The following ACIN1 variants were observed in gnomAD, a reference collection of about 807,000 sequenced individuals.
The protein encoded by ACIN1 is apoptotic chromatin condensation inducer in the nucleus.
Under a neutral mutation model 146.6 loss-of-function variants are expected in ACIN1, and 16 were observed. The observed-to-expected ratio is 0.11, with a 90% CI of 0.07 to 0.17. The LOEUF is 0.17. Ranked by LOEUF, ACIN1 falls within the 10% of genes least tolerant of loss-of-function variation. The probability of loss-of-function intolerance (pLI) is 1.00; values close to 1 mark genes in which losing one functional copy is unlikely to be tolerated. For missense variants in ACIN1, 1,357 were observed against 1,609.3 expected (o/e 0.84, Z 2.68); for synonymous variants, 569 against 582.7 (o/e 0.98, Z 0.34).
intron 1 of ACIN1, 120 bp from the exon 2 acceptor site, chr14:23,093,664 T>A (rs961547471): frequency 2.5e-6 from 2 of 810,576 alleles, no homozygotes; most frequent in Admixed American, 2.5e-5. Context: ...TTAAACTGTA[T>A]TCCTTTTCCA....
At chr14:23,080,891 CT>C (rs1594774198) in intron 5 of ACIN1, 82 bp from the exon 6 acceptor site, 29 of 1,511,368 alleles carry the variant, frequency 1.9e-5, no homozygotes, top group Admixed American at 2.3e-5. Flanking sequence ...GAAGACACCC[CT>C]AGGAAGGAGA....
chr14:23,072,751 A>C (rs1429355721), intron 8 of ACIN1, among the ~76,000 whole-genome samples: 2 of 152,236 alleles, frequency 1.3e-5, no homozygotes, highest in Non-Finnish European at 2.9e-5. Flanking sequence ...TTACAATGCC[A>C]ACTGCATGCT....
chr14:23,080,581 C>T lies in ACIN1; in HGVS notation c.754G>A (p.Glu252Lys), dbSNP rs769396148. ...ILKEFKEEGE[E>K]IPRVKPEEMM... ...TCCTCTGGTTTTACTCTAGGTATCT[C>T]TTCCCCTTCTTCCTTAAACTCTTTC... The change falls in exon 6 of 19, where the codon GAG (glutamate) becomes AAG (lysine). Residue 252 changes from glutamate (E) to lysine (K), a missense_variant. By Grantham distance (56) the Glu-to-Lys change is moderately conservative. Coordinates refer to ENST00000605057, the MANE Select transcript of ACIN1 (RefSeq NM_001386863.1). 5.6e-6 allele frequency: 9 copies of T among 1,614,000 alleles called. No homozygotes were observed. Among genetic ancestry groups the T allele is most frequent in the Non-Finnish European group, 7.6e-6 (9 of 1,180,018 alleles).
In ACIN1 at chr14:23,078,879, G is replaced by T. The variant is rs1446757918; in HGVS notation, c.1948C>A (p.Arg650Ser). 6.2e-7 allele frequency: 1 copy of T among 1,613,830 alleles called. No homozygotes were observed. The highest frequency in any genetic ancestry group is 8.5e-7 in the Non-Finnish European group (1 of 1,180,002). Residue 650 changes from arginine to serine, a missense_variant, in exon 7 of 19, where the codon CGT becomes AGT. By Grantham distance (110) the Arg-to-Ser change is moderately radical. Around this residue, in one of 4 missense-constraint regions of ACIN1, gnomAD observed 771 missense variants for 746.6 expected, o/e 1.03. Transcript: ENST00000605057. ...TCAGCTGATTCAGGCTGACTCAGAC[G>T]CCTTGCTTGGACAGAGGATGAGGAG... ...STSSSSVQAR[R>S]LSQPESAEKH...
intron 4 of ACIN1, among the ~76,000 whole-genome samples, chr14:23,083,716 G>A (rs933360261): frequency 2.6e-5 from 4 of 152,062 alleles, no homozygotes; most frequent in African/African-American, 4.8e-5. Flanking sequence ...GCGACAGAGC[G>A]AGACTCCGTC....
At position 23,065,959 on chromosome 14, in the gene ACIN1, G is replaced by T; in HGVS notation, c.2308+7C>A. 6.2e-7 allele frequency: 1 copy of T among 1,613,214 alleles called. No homozygotes were observed. Among genetic ancestry groups the T allele is most frequent in the Non-Finnish European group, 8.5e-7 (1 of 1,179,260 alleles). Reference sequence around the variant, plus strand: ...GACTTTTATCAGGGATTTGGGGCTGGACTTACAGACAACGGAGATCTTCCT... The same window carrying T: ...GACTTTTATCAGGGATTTGGGGCTGTACTTACAGACAACGGAGATCTTCCT... On this transcript the variant is annotated splice_region_variant and intron_variant, in intron 10 of 18. Coordinates refer to ENST00000605057, the MANE Select transcript of ACIN1 (RefSeq NM_001386863.1).
chr14:23,093,586 A>G (rs1263179791), intron 1 of ACIN1, 42 bp from the exon 2 acceptor site: 2 of 1,572,450 alleles, frequency 1.3e-6, no homozygotes, highest in Admixed American at 1.7e-5. Context: ...ATGAGGAAAA[A>G]AAAGAAAAAC....
intron 8 of ACIN1, chr14:23,071,397 G>GC: frequency 1.3e-6 from 2 of 1,551,210 alleles, no homozygotes; most frequent in South Asian, 1.2e-5. Flanking sequence ...AACAGATCTG[G>GC]CTTTTAAGAG....
At chr14:23,072,406 G>C (rs2047685864) in intron 8 of ACIN1, among the ~76,000 whole-genome samples, 1 of 152,184 alleles carries the variant, frequency 6.6e-6, no homozygotes, top group Admixed American at 6.5e-5. Context: ...CCAAGGTGAG[G>C]CTCTAAAGTA....
At position 23,078,173 on chromosome 14, in the gene ACIN1, A is replaced by G; in HGVS notation, c.2101T>C (p.Ser701Pro). ...TACACAGTGTGATGAATTCTTTCTG[A>G]TTCTGGCAGATGAGAGGTCTGAGTC... Reference protein sequence around the residue: ...SETQTSHLPESERIHHTVEEK... With the variant: ...SETQTSHLPEPERIHHTVEEK... The change falls in exon 8 of 19, where the codon TCA becomes CCA. Residue 701 changes from serine (S) to proline (P), a missense_variant. Physicochemically the swap from Ser to Pro is moderately conservative, Grantham distance 74. Coordinates refer to ENST00000605057, the MANE Select transcript of ACIN1 (RefSeq NM_001386863.1). The G allele has an allele frequency of 2.5e-6, 4 of 1,614,146 alleles. No homozygotes were observed. Among genetic ancestry groups the G allele is most frequent in the Non-Finnish European group, 3.4e-6 (4 of 1,180,006 alleles).
At position 23,064,377 on chromosome 14, in the gene ACIN1, C is replaced by A. The variant is rs1175677943; in HGVS notation, c.2420G>T (p.Ser807Ile). Reference sequence around the variant, plus strand: ...CACCTTTAGTGATTCAGTGGTGATACTGATGGAAGGTTTCTTCTGTGTGGT... The same window carrying A: ...CACCTTTAGTGATTCAGTGGTGATAATGATGGAAGGTTTCTTCTGTGTGGT... ...TATTQKKPSI[S>I]ITTESLKSLI... Residue 807 changes from serine (S) to isoleucine (I), a missense_variant, in exon 11 of 19, where the codon AGT becomes ATT. This residue lies in a region of ACIN1 where 509 missense variants were observed against 719.6 expected (regional missense o/e 0.71). Coordinates refer to ENST00000605057, the MANE Select transcript of ACIN1 (RefSeq NM_001386863.1). The A allele has an allele frequency of 6.2e-7, 1 of 1,614,256 alleles. No homozygotes were observed. Among genetic ancestry groups the A allele is most frequent in the Non-Finnish European group, 8.5e-7 (1 of 1,180,038 alleles).
Position 23,062,977 on chromosome 14 carries a change from G to A in ACIN1, c.2835C>T (p.Pro945=), listed in dbSNP as rs535321454. The change falls in exon 14 of 19, where the codon CCC becomes CCT. Residue 945 remains proline, a synonymous_variant. Transcript: ENST00000605057. ...TGCTAATCTTGCCCCGGGGTGGGGA[G>A]GGCACCTGGGCAGTTCGGACTGGGT... ...IDDPVRTAQV[P]SPPRGKISNI... is the part of the protein sequence containing the mutation. 3.3e-5 allele frequency: 53 copies of A among 1,612,704 alleles called. No homozygotes were observed. In the African/African-American group the frequency reaches 6.3e-4, roughly 19 times the overall value.
chr14:23,079,393 C>T (rs539517857), intron 6 of ACIN1, among the ~76,000 whole-genome samples, 154 bp downstream of exon 6: 5 of 152,156 alleles, frequency 3.3e-5, no homozygotes, highest in South Asian at 2.1e-4. Context: ...ATTGAAAATA[C>T]GATTCTGAAA....
rs563507362 is a variant in ACIN1 at position 23,080,955 on chromosome 14, C to T, written c.526-146G>A. ...AGAAACAGGAGTGACAGGAGACAATCATGACTAACGTAGCCCTTAGGGGAA... is the reference window on the plus strand; with the variant it reads ...AGAAACAGGAGTGACAGGAGACAATTATGACTAACGTAGCCCTTAGGGGAA... On this transcript the variant is annotated intron_variant, in intron 5 of 18. Transcript: ENST00000605057. The T allele has an allele frequency of 1.5e-5, 22 of 1,438,734 alleles. No homozygotes were observed. In the Admixed American group the frequency reaches 3.5e-4, roughly 23 times the overall value. The allele number at this position is 1,438,734 out of a possible 1,614,324, so 89.1% of individuals were successfully genotyped here. A position where few individuals can be genotyped will look rare whatever the true frequency, so the allele number is the denominator to read the frequency against.
chr14:23,079,486 GAAATGAAAAC>G, intron 6 of ACIN1, 51 bp downstream of exon 6: 1 of 1,574,952 alleles, frequency 6.3e-7, no homozygotes, highest in Non-Finnish European at 8.6e-7. Context: ...TCCAGGGGCT[GAAATGAAAAC>G]CACTGGAATA....
At position 23,080,663 on chromosome 14, in the gene ACIN1, A is replaced by G. The variant is rs769735359; in HGVS notation, c.672T>C (p.Asp224=). 2 of 1,611,756 alleles carry G rather than the reference A, an allele frequency of 1.2e-6. No individual in the cohort carries two copies. The highest frequency in any genetic ancestry group is 4.5e-5 in the East Asian group (2 of 44,650). ...EEEEEEEEEE[D]DEEEEGDDEG... is the part of the protein sequence containing the mutation. ...CATCATCACCTTCCTCTTCTTCATCATCTTCTTCCTCCTCCTCCTCCTCCT... is the reference window on the plus strand; with the variant it reads ...CATCATCACCTTCCTCTTCTTCATCGTCTTCTTCCTCCTCCTCCTCCTCCT... The change falls in exon 6 of 19, where the codon GAT becomes GAC. Residue 224 remains aspartate (D), a synonymous_variant. Transcript: ENST00000605057.
Position 23,079,650 on chromosome 14 carries a change from T to C in ACIN1, c.1685A>G (p.His562Arg). The change falls in exon 6 of 19, where the codon CAT (histidine) becomes CGT (arginine). Residue 562 changes from histidine to arginine, a missense_variant. This residue lies in a region of ACIN1 where 771 missense variants were observed against 746.6 expected (regional missense o/e 1.03). Transcript: ENST00000605057. ...CTTGGGTCTACCACGAGGGTTGGCA[T>C]GAGTACGTGCCTGGGCTACATCTCT... ...KQRDVAQART[H>R]ANPRGRPKMG... 6.2e-7 allele frequency: 1 copy of C among 1,614,194 alleles called. No homozygotes were observed. The highest frequency in any genetic ancestry group is 8.5e-7 in the Non-Finnish European group (1 of 1,180,026).
intron 8 of ACIN1, chr14:23,071,718 C>G: frequency 1.5e-6 from 1 of 661,028 alleles, no homozygotes; most frequent in Non-Finnish European, 2.4e-6. Flanking sequence ...CTTCTTTTCT[C>G]AAGTTACAGC....
upstream of ACIN1, chr14:23,095,588 A>G: frequency 2.6e-6 from 1 of 387,272 alleles, no homozygotes; most frequent in Non-Finnish European, 4.7e-6. Context: ...ACTCGTGACA[A>G]TCTTCGGGTG....
Sources: gnomAD v4.1 joint callset for allele counts (sites outside exome capture counted in the v4.1 genomes callset) on GRCh38, gnomAD v4.1.1 for gene constraint, gnomAD v4.1.1 regional missense constraint, MANE v1.5 for transcripts, NCBI Gene and HGNC (gene_info 2026-07-23, HGNC 2026-07-21) for gene names.